The following SLC25A20 variants were observed in gnomAD, a reference collection of about 807,000 sequenced individuals.
SLC25A20 encodes the protein solute carrier family 25 member 20.
SLC25A20 carries 29 observed loss-of-function variants against 39.7 expected under a neutral mutation model. That is an observed-to-expected ratio of 0.73 (90% CI 0.54 to 1.00). SLC25A20 has a LOEUF of 1.00. Ranked by LOEUF, SLC25A20 falls within the 50% of genes least tolerant of loss-of-function variation. The pLI, the probability that SLC25A20 is intolerant of heterozygous loss-of-function variation, is 0.00. For synonymous variants in SLC25A20, 103 were observed against 142.2 expected, an observed-to-expected ratio of 0.72 and a Z score of 1.96; for missense variants, 333 against 379.9, an observed-to-expected ratio of 0.88 and a Z score of 1.03.
rs112112177 is a variant in SLC25A20 at position 48,862,673 on chromosome 3, G to T, written c.418-14C>A. On this transcript the variant is annotated splice_polypyrimidine_tract_variant and intron_variant, in intron 4 of 8. Coordinates refer to ENST00000319017, the MANE Select transcript of SLC25A20 (RefSeq NM_000387.6). Reference sequence around the variant, plus strand: ...AGAAGCCTGAATCTGGGAGGGAGGAGAGGATCATTAAGTCAGAAACATCAG... The same window carrying T: ...AGAAGCCTGAATCTGGGAGGGAGGATAGGATCATTAAGTCAGAAACATCAG... 4 of 1,558,208 alleles carry T rather than the reference G, an allele frequency of 2.6e-6. No homozygotes were observed. The highest frequency in any genetic ancestry group is 1.4e-5 in the African/African-American group (1 of 73,938).
At chr3:48,869,036 T>G (rs4974079) in intron 4 of SLC25A20, among the ~76,000 whole-genome samples, 102,765 of 152,050 alleles carry the variant, frequency 0.68, 35,276 homozygotes, top group East Asian at 0.96. Flanking sequence ...GCAATAAAAA[T>G]GAGCACCCCA....
intron 5 of SLC25A20, among the ~76,000 whole-genome samples, 162 bp from the exon 6 acceptor site, chr3:48,859,789 A>C (rs777635562): frequency 6.6e-5 from 10 of 152,158 alleles, no homozygotes; most frequent in Non-Finnish European, 1.3e-4. Flanking sequence ...TTGTTTTTTA[A>C]TTGGGTGACC....
At chr3:48,876,871 G>A (rs756383078) in intron 4 of SLC25A20, among the ~76,000 whole-genome samples, 16 of 151,866 alleles carry the variant, frequency 1.1e-4, no homozygotes, top group Admixed American at 6.6e-5. Flanking sequence ...CATGGTGGGT[G>A]GATCACCTCA....
intron 2 of SLC25A20, 110 bp downstream of exon 2, chr3:48,891,870 G>GAGCT (rs760560629): frequency 9.7e-5 from 87 of 896,436 alleles, no homozygotes; most frequent in Non-Finnish European, 1.6e-4. Context: ...CGGCAGCTGT[G>GAGCT]AGCTAGCTGT....
At chr3:48,878,148 C>T (rs2083774190) in intron 4 of SLC25A20, among the ~76,000 whole-genome samples, 1 of 151,164 alleles carries the variant, frequency 6.6e-6, no homozygotes, top group Non-Finnish European at 1.5e-5. Flanking sequence ...GTGGTCCCAG[C>T]TACTCAGGAG....
intron 4 of SLC25A20, among the ~76,000 whole-genome samples, chr3:48,866,444 C>T (rs2083669597): frequency 6.6e-6 from 1 of 151,842 alleles, no homozygotes; most frequent in Non-Finnish European, 1.5e-5. Flanking sequence ...TTCCCAGCTA[C>T]TCGGGAGGCT....
chr3:48,887,898 A>G (rs990237947), intron 2 of SLC25A20, among the ~76,000 whole-genome samples: 3 of 151,484 alleles, frequency 2.0e-5, no homozygotes, highest in African/African-American at 7.3e-5. Flanking sequence ...ATGAGACTCC[A>G]TAAAAAAAAA....
intron 4 of SLC25A20, among the ~76,000 whole-genome samples, chr3:48,864,384 ATATGTGAATTAAGCAATAGGCTTTGTAT>A (rs2083650541): frequency 6.7e-6 from 1 of 149,800 alleles, no homozygotes; most frequent in African/African-American, 2.4e-5. Flanking sequence ...AAAGCAACAA[ATATGTGAATTAAGCAATAGGCTTTGTAT>A]AAATAAAACT....
intron 3 of SLC25A20, among the ~76,000 whole-genome samples, chr3:48,883,303 A>C (rs1457566867): frequency 6.6e-6 from 1 of 151,746 alleles, no homozygotes; most frequent in African/African-American, 2.4e-5. Context: ...CTGAAATCCC[A>C]GCACTTTGGG....
chr3:48,876,573 G>A (rs965082294), intron 4 of SLC25A20, among the ~76,000 whole-genome samples: 4 of 150,910 alleles, frequency 2.7e-5, no homozygotes, highest in Admixed American at 1.3e-4. Flanking sequence ...TTACAAGCAT[G>A]CACCACCACT....
chr3:48,880,574 C>CTTTTT (rs35306259), intron 3 of SLC25A20, among the ~76,000 whole-genome samples: 3 of 73,092 alleles, frequency 4.1e-5, no homozygotes, highest in African/African-American at 5.6e-5. Context: ...CTGTGCCCGG[C>CTTTTT]TTTTTTTTTT....
chr3:48,888,832 A>G (rs181948089), intron 2 of SLC25A20, among the ~76,000 whole-genome samples: 37 of 152,212 alleles, frequency 2.4e-4, no homozygotes, highest in African/African-American at 8.9e-4. Context: ...CATGCCTGTA[A>G]TCCCAGCACT....
rs547304699 is a variant in SLC25A20 at position 48,864,464 on chromosome 3, G to A, written c.418-1805C>T. 8.3e-5 allele frequency among the ~76,000 whole-genome samples: 12 copies of A among 143,898 alleles called. No individual in the cohort carries two copies. The South Asian group carries it at 2.4e-3, about 29-fold the overall frequency. 94.4% of individuals were successfully genotyped at this position (143,898 alleles called of 152,430 possible). A position where few individuals can be genotyped will look rare whatever the true frequency, so the allele number is the denominator to read the frequency against. On this transcript the variant is annotated intron_variant, in intron 4 of 8. Transcript: ENST00000319017. ...TTACAAAATAAGAGGTCAATAAAAA[G>A]AGTCCTAATTCTAGTTGGGAAAAGT...
intron 4 of SLC25A20, among the ~76,000 whole-genome samples, chr3:48,877,714 C>T (rs1354317309): frequency 6.7e-6 from 1 of 150,358 alleles, no homozygotes; most frequent in African/African-American, 2.5e-5. Context: ...GGCAACAGAG[C>T]AAGACTCTGT....
chr3:48,874,580 T>C (rs894243316), intron 4 of SLC25A20, among the ~76,000 whole-genome samples: 2 of 152,190 alleles, frequency 1.3e-5, no homozygotes, highest in Non-Finnish European at 2.9e-5. Flanking sequence ...CAAAAGCCTC[T>C]GTGTACAAAT....
chr3:48,891,831 G>C (rs2083879540), intron 2 of SLC25A20, 149 bp downstream of exon 2: 1 of 751,324 alleles, frequency 1.3e-6, no homozygotes, highest in African/African-American at 1.7e-5. Flanking sequence ...GATGACAACA[G>C]GGGGGCACAG....
rs150439473 is a variant in SLC25A20 at position 48,881,149 on chromosome 3, C to T, written c.327-1701G>A. On this transcript the variant is annotated intron_variant, in intron 3 of 8. Coordinates refer to ENST00000319017, the MANE Select transcript of SLC25A20 (RefSeq NM_000387.6). ...CCAGGCAGGGCACCAGTTTCAACAG[C>T]GCGATTTCTCCCTGCATTCACCCCA... Among the ~76,000 whole-genome samples, 7 of 152,198 alleles carry T rather than the reference C, an allele frequency of 4.6e-5. No individual in the cohort carries two copies. The East Asian group carries it at 5.8e-4, about 13-fold the overall frequency.
chr3:48,895,539 C>G (rs2083904914), intron 1 of SLC25A20, among the ~76,000 whole-genome samples: 1 of 152,156 alleles, frequency 6.6e-6, no homozygotes. Context: ...CATGTTGTTT[C>G]TTTATTTCTT....
At chr3:48,890,943 C>A (rs868025437) in intron 2 of SLC25A20, among the ~76,000 whole-genome samples, 1 of 151,914 alleles carries the variant, frequency 6.6e-6, no homozygotes, top group African/African-American at 2.4e-5. Flanking sequence ...CGTGAGCCAG[C>A]GCGCCCAGCC....
Sources: allele counts gnomAD v4.1 joint callset (sites outside exome capture counted in the v4.1 genomes callset), GRCh38; gene constraint gnomAD v4.1.1; transcripts MANE v1.5; gene names NCBI Gene and HGNC (gene_info 2026-07-23, HGNC 2026-07-21).